Variants in CPED1 observed in about 807,000 individuals in gnomAD.
CPED1 encodes cadherin-like and PC-esterase domain-containing protein 1.
In CPED1, 114 loss-of-function variants were observed where a neutral mutation model predicts 128.2. The ratio of observed to expected loss-of-function variants is 0.89; its 90% CI spans 0.76 to 1.04. The LOEUF is 1.04. CPED1 is among the 50% of genes least tolerant of loss of function. The probability of loss-of-function intolerance (pLI) is 0.00; values close to 1 mark genes in which losing one functional copy is unlikely to be tolerated. For synonymous variants in CPED1, 462 were observed against 426.7 expected (o/e 1.08, Z -1.02); for missense variants, 1,211 against 1,207.1 (o/e 1.00, Z -0.05).
In CPED1 at chr7:121,191,244, C is replaced by T. The variant is rs75719754; in HGVS notation, c.2056-45470C>T. 7.3e-3 allele frequency among the ~76,000 whole-genome samples: 1,110 copies of T among 152,142 alleles called. 11 individuals carry two copies. The highest frequency in any genetic ancestry group is 8.6e-3 in the Non-Finnish European group (587 of 67,998). On this transcript the variant is annotated intron_variant, in intron 16 of 22. Transcript: ENST00000310396. The stretch of plus-strand genomic sequence containing the variant: ...AAACACCGAGCATAGAAAAGGGCAA[C>T]GTTTTTAGAGTTTAACAAATAGTTT...
chr7:121,121,835 G>A (rs1159336235), intron 7 of CPED1, among the ~76,000 whole-genome samples: 6 of 152,160 alleles, frequency 3.9e-5, no homozygotes, highest in African/African-American at 1.2e-4. Context: ...TGAGATCATT[G>A]AGCATAGTTC....
intron 5 of CPED1, 28 bp downstream of exon 5, chr7:121,064,341 T>C: frequency 6.6e-7 from 1 of 1,515,048 alleles, no homozygotes; most frequent in South Asian, 1.1e-5. Context: ...TCCTTAGGCT[T>C]AAACATGTGA....
intron 2 of CPED1, among the ~76,000 whole-genome samples, chr7:120,993,300 C>A (rs1227166717): frequency 1.3e-5 from 2 of 152,168 alleles, no homozygotes; most frequent in Non-Finnish European, 2.9e-5. Context: ...ATATATGCTT[C>A]TTTAATGGAA....
At chr7:121,139,124 A>G (rs899778748) in intron 14 of CPED1, among the ~76,000 whole-genome samples, 1 of 152,034 alleles carries the variant, frequency 6.6e-6, no homozygotes. Context: ...CGTTGAAATT[A>G]TAGATGCAGT....
intron 5 of CPED1, among the ~76,000 whole-genome samples, chr7:121,078,494 GAAAGAAAAAAAAAAAA>G: frequency 2.5e-5 from 1 of 39,550 alleles, no homozygotes; most frequent in African/African-American, 6.1e-5. Context: ...AAGAAAGAAA[GAAAGAAAAAAAAAAAA>G]AAAAAAAAAA....
intron 3 of CPED1, among the ~76,000 whole-genome samples, chr7:121,033,464 A>G (rs1247372634): frequency 6.6e-6 from 1 of 152,200 alleles, no homozygotes; most frequent in Non-Finnish European, 1.5e-5. Flanking sequence ...ATAAACACTT[A>G]TATAAAGCTA....
chr7:121,178,404 CTTG>C (rs764061818), intron 16 of CPED1, among the ~76,000 whole-genome samples: 13 of 151,950 alleles, frequency 8.6e-5, no homozygotes, highest in Middle Eastern at 3.4e-3. Context: ...TGTTGTTGTT[CTTG>C]TTGTTGTTAT....
At chr7:121,004,206 A>G (rs1791944577) in intron 2 of CPED1, among the ~76,000 whole-genome samples, 1 of 152,200 alleles carries the variant, frequency 6.6e-6, no homozygotes, top group Non-Finnish European at 1.5e-5. Context: ...GAAAATCCAG[A>G]TGAACTGGTT....
chr7:121,113,341 ACT>A (rs1795159435), intron 7 of CPED1, among the ~76,000 whole-genome samples: 1 of 152,166 alleles, frequency 6.6e-6, no homozygotes, highest in East Asian at 1.9e-4. Context: ...TTTATAAATA[ACT>A]CTAATACAGG....
chr7:121,088,786 A>AAAAAAAAAAAAAAAAAAAAAAT (rs1794507343), intron 5 of CPED1, among the ~76,000 whole-genome samples: 1 of 143,294 alleles, frequency 7.0e-6, no homozygotes, highest in Non-Finnish European at 1.5e-5. Flanking sequence ...AAAAAAAAAA[A>AAAAAAAAAAAAAAAAAAAAAAT]AAAAAATTGA....
chr7:120,999,396 T>C (rs1791764262), intron 2 of CPED1, among the ~76,000 whole-genome samples: 1 of 152,162 alleles, frequency 6.6e-6, no homozygotes, highest in Non-Finnish European at 1.5e-5. Flanking sequence ...CTCAAGTATC[T>C]ACCATAATAA....
chr7:121,279,573 A>G (rs960655011), intron 22 of CPED1, among the ~76,000 whole-genome samples: 2 of 152,110 alleles, frequency 1.3e-5, no homozygotes, highest in African/African-American at 2.4e-5. Context: ...TGCCGAGAGA[A>G]GAGAAATACT....
At chr7:121,212,933 T>C (rs966567062) in intron 16 of CPED1, among the ~76,000 whole-genome samples, 22 of 152,122 alleles carry the variant, frequency 1.4e-4, no homozygotes, top group Admixed American at 1.1e-3. Flanking sequence ...TGAGTGACCC[T>C]GCATGAAGTG....
intron 22 of CPED1, among the ~76,000 whole-genome samples, chr7:121,284,773 G>T (rs547631439): frequency 1.3e-5 from 2 of 152,236 alleles, no homozygotes; most frequent in African/African-American, 2.4e-5. Flanking sequence ...CTGTGGCTTT[G>T]CAGGGTACAG....
intron 22 of CPED1, 113 bp from the exon 23 acceptor site, chr7:121,295,327 C>A (rs1260264347): frequency 3.2e-6 from 4 of 1,267,630 alleles, no homozygotes; most frequent in Non-Finnish European, 4.3e-6. Context: ...CATAGTCATG[C>A]CCTTTTAGCA....
At chr7:120,990,902 G>A (rs571734491) in intron 2 of CPED1, among the ~76,000 whole-genome samples, 3 of 152,126 alleles carry the variant, frequency 2.0e-5, no homozygotes, top group Non-Finnish European at 2.9e-5. Context: ...TATTTATTTC[G>A]TTTCAGACTA....
intron 22 of CPED1, among the ~76,000 whole-genome samples, chr7:121,280,366 G>T (rs1792437248): frequency 6.6e-6 from 1 of 152,088 alleles, no homozygotes. Context: ...TAAACTTCTG[G>T]TCTGGAGCTC....
intron 3 of CPED1, among the ~76,000 whole-genome samples, chr7:121,027,796 T>G (rs1792631519): frequency 6.6e-6 from 1 of 150,760 alleles, no homozygotes; most frequent in African/African-American, 2.4e-5. Context: ...CAGCTCTTTC[T>G]CGAAGGAAAA....
chr7:121,114,109 C>T (rs561285419), intron 7 of CPED1, among the ~76,000 whole-genome samples: 1 of 152,196 alleles, frequency 6.6e-6, no homozygotes, highest in Non-Finnish European at 1.5e-5. Flanking sequence ...GGATTACAGG[C>T]ATGAGCCACC....
Sources: gnomAD v4.1 joint callset for allele counts (sites outside exome capture counted in the v4.1 genomes callset) on GRCh38, gnomAD v4.1.1 for gene constraint, MANE v1.5 for transcripts, NCBI Gene and HGNC (gene_info 2026-07-23, HGNC 2026-07-21) for gene names.